MAPKAP1: variants seen among roughly 807,000 people sequenced by gnomAD.
MAPKAP1 encodes MAPK associated protein 1, also known as target of rapamycin complex 2 subunit MAPKAP1.
MAPKAP1 carries 20 observed loss-of-function variants against 65.7 expected under a neutral mutation model. The ratio of observed to expected loss-of-function variants is 0.30; its 90% CI spans 0.21 to 0.44. MAPKAP1 has a LOEUF of 0.44. Among genes scored for constraint, MAPKAP1 ranks in the 20% least tolerant of loss-of-function variants. MAPKAP1 has a pLI of 1.00. For missense variants in MAPKAP1, 423 were observed against 648.0 expected, an observed-to-expected ratio of 0.65 and a Z score of 3.77; for synonymous variants, 222 against 244.3, an observed-to-expected ratio of 0.91 and a Z score of 0.85.
At position 125,472,860 on chromosome 9, in the gene MAPKAP1, T is replaced by C. The variant is rs867124349; in HGVS notation, c.1208-4751A>G. Among the ~76,000 whole-genome samples, 5 of 152,358 alleles carry C rather than the reference T, an allele frequency of 3.3e-5. 1 individual carries two copies. The South Asian group carries it at 1.0e-3, about 32-fold the overall frequency. On this transcript the variant is annotated intron_variant, in intron 9 of 11. Coordinates refer to ENST00000265960, the MANE Select transcript of MAPKAP1 (RefSeq NM_001006617.3). ...TGGCCAACTCTGGTTAGTAGAATTA[T>C]ATCCTTTCCTTTTCTGTATTTTTTC...
intron 1 of MAPKAP1, among the ~76,000 whole-genome samples, chr9:125,693,588 CGT>C (rs1835252672): frequency 6.7e-6 from 1 of 149,336 alleles, no homozygotes; most frequent in Non-Finnish European, 1.5e-5. Flanking sequence ...CATATATACA[CGT>C]ATACACACAC....
chr9:125,571,672 C>T lies in MAPKAP1; in HGVS notation c.672-11863G>A, dbSNP rs185017588. 2.9e-3 allele frequency among the ~76,000 whole-genome samples: 420 copies of T among 146,774 alleles called. 5 individuals carry two copies. Among genetic ancestry groups the T allele is most frequent in the African/African-American group, 1.0e-2 (399 of 39,980 alleles). On this transcript the variant is annotated intron_variant, in intron 5 of 11. Transcript: ENST00000265960. ...AGGAGTTTGAGACGAGCATGGCCAA[C>T]GCATGGTGAAACCCCATCTTTACTA... is the stretch of plus-strand genomic sequence containing the variant.
chr9:125,440,420 C>T (rs879932937), intron 11 of MAPKAP1, among the ~76,000 whole-genome samples: 6 of 152,204 alleles, frequency 3.9e-5, no homozygotes, highest in East Asian at 1.9e-4. Flanking sequence ...GGTGAACAGA[C>T]GCTATTTCTC....
At chr9:125,515,847 A>C (rs1201091583) in intron 7 of MAPKAP1, among the ~76,000 whole-genome samples, 5 of 152,198 alleles carry the variant, frequency 3.3e-5, no homozygotes, top group Non-Finnish European at 4.4e-5. Flanking sequence ...AAACAACAAC[A>C]GTGCCATCAT....
chr9:125,595,451 A>G lies in MAPKAP1; in HGVS notation c.499-9724T>C, dbSNP rs1381918595. 4 of 851,920 alleles carry G rather than the reference A, an allele frequency of 4.7e-6. No homozygotes were observed. Among genetic ancestry groups the G allele is most frequent in the Non-Finnish European group, 5.8e-6 (4 of 692,732 alleles). 52.8% of individuals were successfully genotyped at this position (851,920 alleles called of 1,614,324 possible). On this transcript the variant is annotated intron_variant, in intron 4 of 11. Coordinates refer to ENST00000265960, the MANE Select transcript of MAPKAP1 (RefSeq NM_001006617.3). The surrounding 1 kb of genome is among the most constrained non-coding windows in gnomAD (Gnocchi z 4.0). Reference sequence around the variant, plus strand: ...AGAGCAGCTTTTCTCAGCTGATCCTATTAATTAAAATAATATACATTAGCT... The same window carrying G: ...AGAGCAGCTTTTCTCAGCTGATCCTGTTAATTAAAATAATATACATTAGCT...
intron 4 of MAPKAP1, among the ~76,000 whole-genome samples, chr9:125,643,988 T>C (rs887309342): frequency 7.2e-5 from 11 of 152,288 alleles, no homozygotes; most frequent in South Asian, 6.2e-4. Context: ...ACTGGATAGG[T>C]AGCCAGGAAA....
At chr9:125,486,744 T>C (rs1245295151) in intron 8 of MAPKAP1, among the ~76,000 whole-genome samples, 1 of 152,142 alleles carries the variant, frequency 6.6e-6, no homozygotes, top group Non-Finnish European at 1.5e-5. Context: ...TCTGGCAGAA[T>C]CCCATCTCAG....
intron 8 of MAPKAP1, among the ~76,000 whole-genome samples, chr9:125,491,171 C>G (rs1008304120): frequency 6.7e-6 from 1 of 149,362 alleles, no homozygotes; most frequent in Non-Finnish European, 1.5e-5. Flanking sequence ...AGGCCAGGTG[C>G]GGTGGCTTAT....
intron 7 of MAPKAP1, among the ~76,000 whole-genome samples, chr9:125,525,999 A>G (rs1829756000): frequency 1.3e-5 from 2 of 152,212 alleles, no homozygotes; most frequent in South Asian, 4.1e-4. Context: ...TTCAGGAGAC[A>G]ATGGGGTGGT....
intron 7 of MAPKAP1, among the ~76,000 whole-genome samples, chr9:125,508,122 T>C (rs1470563216): frequency 6.6e-6 from 1 of 152,100 alleles, no homozygotes; most frequent in African/African-American, 2.4e-5. Flanking sequence ...GCTATGATCA[T>C]GCCACTGTAC....
chr9:125,441,404 T>C (rs1174485643), intron 11 of MAPKAP1, among the ~76,000 whole-genome samples: 2 of 152,144 alleles, frequency 1.3e-5, no homozygotes, highest in Non-Finnish European at 2.9e-5. Context: ...TCCTCTTCTA[T>C]AAAATGGGGA....
intron 4 of MAPKAP1, among the ~76,000 whole-genome samples, chr9:125,608,618 A>T (rs561301610): frequency 2.6e-5 from 4 of 152,214 alleles, no homozygotes; most frequent in African/African-American, 9.7e-5. Context: ...CCTGCTCTCC[A>T]GACAGCACCT....
chr9:125,666,680 T>C (rs1834348858), intron 3 of MAPKAP1, among the ~76,000 whole-genome samples: 1 of 152,052 alleles, frequency 6.6e-6, no homozygotes, highest in African/African-American at 2.4e-5. Context: ...TCAATAAAGA[T>C]CAAAAAGATT....
intron 1 of MAPKAP1, among the ~76,000 whole-genome samples, chr9:125,693,846 T>TATACACACACAC (rs10646202): frequency 0.031 from 4,175 of 135,512 alleles, 273 homozygotes; most frequent in African/African-American, 0.1. Flanking sequence ...TATACACACA[T>TATACACACACAC]ACACACACAC....
At chr9:125,579,509 T>C (rs1264698538) in intron 5 of MAPKAP1, among the ~76,000 whole-genome samples, 3 of 152,170 alleles carry the variant, frequency 2.0e-5, no homozygotes, top group South Asian at 2.1e-4. Flanking sequence ...ACCAGGCTGG[T>C]GTTGAACTTC....
At chr9:125,657,318 T>G (rs1009095232) in intron 4 of MAPKAP1, among the ~76,000 whole-genome samples, 2 of 151,914 alleles carry the variant, frequency 1.3e-5, no homozygotes, top group African/African-American at 4.8e-5. Context: ...TATAAACATA[T>G]GTATATACAT....
At chr9:125,700,242 T>C (rs1159173766) in intron 1 of MAPKAP1, among the ~76,000 whole-genome samples, 1 of 152,218 alleles carries the variant, frequency 6.6e-6, no homozygotes, top group South Asian at 2.1e-4. Flanking sequence ...AAACCATTCC[T>C]TCAAACAATT....
chr9:125,633,225 A>T (rs1201114264), intron 4 of MAPKAP1, among the ~76,000 whole-genome samples: 1 of 152,222 alleles, frequency 6.6e-6, no homozygotes, highest in Non-Finnish European at 1.5e-5. Context: ...TTGGTAGAGG[A>T]CACAGGGAGA....
Position 125,468,015 on chromosome 9 carries a change from G to A in MAPKAP1, c.1302C>T (p.Ser434=), listed in dbSNP as rs773628805. The A allele has an allele frequency of 4.2e-5, 68 of 1,614,054 alleles. No individual in the cohort carries two copies. Among genetic ancestry groups the A allele is most frequent in the Non-Finnish European group, 4.5e-5 (53 of 1,180,032 alleles). ...WIKQKPISID[S]DLLCACDLAE... Reference sequence around the variant, plus strand: ...CAAGGTCACAGGCACAGAGCAGGTCGGAATCGATTGAGATGGGTTTCTGCT... The same window carrying A: ...CAAGGTCACAGGCACAGAGCAGGTCAGAATCGATTGAGATGGGTTTCTGCT... The change falls in exon 10 of 12, where the codon TCC becomes TCT. Residue 434 remains serine, a synonymous_variant. Coordinates refer to ENST00000265960, the MANE Select transcript of MAPKAP1 (RefSeq NM_001006617.3).
Sources: allele counts gnomAD v4.1 joint callset (sites outside exome capture counted in the v4.1 genomes callset), GRCh38; gene constraint gnomAD v4.1.1; non-coding constraint Gnocchi (gnomAD v3.1); transcripts MANE v1.5; gene names NCBI Gene and HGNC (gene_info 2026-07-23, HGNC 2026-07-21).